WDR25: variants seen among roughly 807,000 people sequenced by gnomAD.
The protein encoded by WDR25 is WD repeat domain 25.
WDR25 carries 35 observed loss-of-function variants against 47.7 expected under a neutral mutation model. The ratio of observed to expected loss-of-function variants is 0.73; its 90% CI spans 0.56 to 0.97. The LOEUF (loss-of-function observed/expected upper bound fraction) is 0.97. Ranked by LOEUF, WDR25 falls within the 50% of genes least tolerant of loss-of-function variation. The pLI is 0.00. For missense variants in WDR25, 634 were observed against 704.7 expected, an observed-to-expected ratio of 0.90 and a Z score of 1.14; for synonymous variants, 248 against 278.9, an observed-to-expected ratio of 0.89 and a Z score of 1.10.
At chr14:100,470,163 G>T (rs946692455) in intron 3 of WDR25, among the ~76,000 whole-genome samples, 1 of 152,222 alleles carries the variant, frequency 6.6e-6, no homozygotes, top group Non-Finnish European at 1.5e-5. Context: ...GGTTGATGAG[G>T]AGGAAAGTAG....
At chr14:100,426,789 G>C (rs572959166) in intron 2 of WDR25, among the ~76,000 whole-genome samples, 35 of 152,258 alleles carry the variant, frequency 2.3e-4, no homozygotes, top group Middle Eastern at 3.4e-3. Flanking sequence ...ATTGTGCAAG[G>C]CAACCGGGCA....
intron 2 of WDR25, among the ~76,000 whole-genome samples, chr14:100,397,535 G>A (rs1233335505): frequency 2.6e-5 from 4 of 152,206 alleles, no homozygotes; most frequent in Non-Finnish European, 5.9e-5. Flanking sequence ...CTGGCTCATT[G>A]AAAGAAACAG....
rs189774940 is a variant in WDR25, at chr14:100,476,073, T to C, written c.970+7905T>C. Among the ~76,000 whole-genome samples, 5 of 152,372 alleles carry C rather than the reference T, an allele frequency of 3.3e-5. No homozygotes were observed. The East Asian group carries it at 7.7e-4, about 23-fold the overall frequency. On this transcript the variant is annotated intron_variant, in intron 3 of 6. Coordinates refer to ENST00000402312, the MANE Select transcript of WDR25 (RefSeq NM_001161476.3). ...TACAGCTACTGTTTATTGGGCCCTA[T>C]CAGTTGTCTGGGGCTTAGCTCTCCT...
At position 100,525,154 on chromosome 14, in the gene WDR25, G is replaced by T. The variant is rs981760126; in HGVS notation, c.1102-716G>T. 1.3e-5 allele frequency among the ~76,000 whole-genome samples: 2 copies of T among 152,186 alleles called. No homozygotes were observed. Among genetic ancestry groups the T allele is most frequent in the African/African-American group, 4.8e-5 (2 of 41,452 alleles). ...TATTGTCATTAAAGTCCTGTCCTCTGTGAGTTTGTTAAGTGGAGCTACTTG... is the reference window on the plus strand; with the variant it reads ...TATTGTCATTAAAGTCCTGTCCTCTTTGAGTTTGTTAAGTGGAGCTACTTG... On this transcript the variant is annotated intron_variant, in intron 4 of 6. Transcript: ENST00000402312. This position sits in a 1 kb window ranked among gnomAD's most constrained non-coding sequence, Gnocchi z 4.6.
chr14:100,431,823 C>T (rs1285235175), intron 2 of WDR25, among the ~76,000 whole-genome samples: 1 of 152,004 alleles, frequency 6.6e-6, no homozygotes, highest in African/African-American at 2.4e-5. Context: ...GATTCTCTTG[C>T]CTCAGCCTCC....
At chr14:100,444,526 T>C (rs758589875) in intron 2 of WDR25, among the ~76,000 whole-genome samples, 2 of 148,912 alleles carry the variant, frequency 1.3e-5, no homozygotes, top group Non-Finnish European at 3.0e-5. Context: ...CACGTCTGGG[T>C]CCAGGTGACT....
chr14:100,410,101 G>A (rs980102689), intron 2 of WDR25, among the ~76,000 whole-genome samples: 2 of 152,214 alleles, frequency 1.3e-5, no homozygotes, highest in African/African-American at 4.8e-5. Context: ...AACCCCATCT[G>A]AGTTTCCAGA....
Position 100,468,117 on chromosome 14 carries a change from A to G in WDR25, c.919A>G (p.Ile307Val), listed in dbSNP as rs1899703678. 1 of 1,613,624 alleles carries G rather than the reference A, an allele frequency of 6.2e-7. No homozygotes were observed. The highest frequency in any genetic ancestry group is 1.7e-5 in the Admixed American group (1 of 60,024). ...CCGGTGGGCTCCCTGTGGCCGGCGC[A>G]TCCTCAGTGGTGGCTTTGACTTCGC... Reference protein sequence around the residue: ...AARWAPCGRRILSGGFDFALH... With the variant: ...AARWAPCGRRVLSGGFDFALH... The change falls in exon 3 of 7, where the codon ATC (isoleucine) becomes GTC (valine). Residue 307 changes from isoleucine (I) to valine (V), a missense_variant. Transcript: ENST00000402312. This position sits in a 1 kb window ranked among gnomAD's most constrained non-coding sequence, Gnocchi z 4.5.
chr14:100,431,300 G>A (rs755573120), intron 2 of WDR25, among the ~76,000 whole-genome samples: 1 of 152,070 alleles, frequency 6.6e-6, no homozygotes, highest in Non-Finnish European at 1.5e-5. Flanking sequence ...TAACTGCTTG[G>A]CAAGGTACTT....
At position 100,502,547 on chromosome 14, in the gene WDR25, A is replaced by C. The variant is rs1900961695; in HGVS notation, c.1101+18423A>C. Among the ~76,000 whole-genome samples the C allele has an allele frequency of 6.6e-6, 1 of 152,066 alleles. No homozygotes were observed. Among genetic ancestry groups the C allele is most frequent in the Non-Finnish European group, 1.5e-5 (1 of 68,002 alleles). On this transcript the variant is annotated intron_variant, in intron 4 of 6. Coordinates refer to ENST00000402312, the MANE Select transcript of WDR25 (RefSeq NM_001161476.3). This position sits in a 1 kb window ranked among gnomAD's most constrained non-coding sequence, Gnocchi z 4.5. Reference sequence around the variant, plus strand: ...CTCCCCACCTGCCAGCTCCAGTTCCACCAGTGTCCTGGAGCTGCTCACTTT... The same window carrying C: ...CTCCCCACCTGCCAGCTCCAGTTCCCCCAGTGTCCTGGAGCTGCTCACTTT...
At chr14:100,469,722 G>A (rs1899765261) in intron 3 of WDR25, among the ~76,000 whole-genome samples, 1 of 152,188 alleles carries the variant, frequency 6.6e-6, no homozygotes, top group Non-Finnish European at 1.5e-5. Context: ...TGTGTGCTGG[G>A]CATTCTTCCA....
rs1367629961 is a variant in WDR25, at chr14:100,488,452, C to G, written c.1101+4328C>G. Among the ~76,000 whole-genome samples, 1 of 152,178 alleles carries G rather than the reference C, an allele frequency of 6.6e-6. No homozygotes were observed. Among genetic ancestry groups the G allele is most frequent in the Non-Finnish European group, 1.5e-5 (1 of 68,034 alleles). On this transcript the variant is annotated intron_variant, in intron 4 of 6. Transcript: ENST00000402312. This position sits in a 1 kb window ranked among gnomAD's most constrained non-coding sequence, Gnocchi z 4.2. ...GGAGACCTGGGCTCACGTCCTCCCTCTGCTACTTGCTTGGCTGGGTGATTT... is the reference window on the plus strand; with the variant it reads ...GGAGACCTGGGCTCACGTCCTCCCTGTGCTACTTGCTTGGCTGGGTGATTT...
At chr14:100,413,367 TTC>T (rs1897765999) in intron 2 of WDR25, among the ~76,000 whole-genome samples, 1 of 151,668 alleles carries the variant, frequency 6.6e-6, no homozygotes, top group East Asian at 1.9e-4. Flanking sequence ...ACAGATCTGC[TTC>T]TCTCATTGTA....
chr14:100,475,115 C>T (rs1218493541), intron 3 of WDR25, among the ~76,000 whole-genome samples: 1 of 152,164 alleles, frequency 6.6e-6, no homozygotes, highest in Non-Finnish European at 1.5e-5. Context: ...GTTGGAATGC[C>T]TATTTTCAAA....
intron 4 of WDR25, among the ~76,000 whole-genome samples, chr14:100,485,357 T>C (rs1233357384): frequency 6.6e-6 from 1 of 152,204 alleles, no homozygotes; most frequent in Non-Finnish European, 1.5e-5. Context: ...TTCCCTCCTC[T>C]AGAATGTAAG....
intron 2 of WDR25, among the ~76,000 whole-genome samples, chr14:100,405,502 G>T (rs769961464): frequency 6.6e-6 from 1 of 152,246 alleles, no homozygotes; most frequent in Non-Finnish European, 1.5e-5. Flanking sequence ...CTAGGATGGG[G>T]CTGGGGTGCA....
intron 4 of WDR25, among the ~76,000 whole-genome samples, chr14:100,493,059 C>A (rs1348169820): frequency 6.6e-6 from 1 of 152,182 alleles, no homozygotes; most frequent in Admixed American, 6.5e-5. Context: ...GATTCTCCTG[C>A]GTCAGCCCAA....
At chr14:100,399,536 C>T (rs1383301251) in intron 2 of WDR25, among the ~76,000 whole-genome samples, 1 of 152,176 alleles carries the variant, frequency 6.6e-6, no homozygotes, top group Non-Finnish European at 1.5e-5. Flanking sequence ...TCCCCCTGTG[C>T]CCCTCTCGCT....
At position 100,488,092 on chromosome 14, in the gene WDR25, G is replaced by A. The variant is rs963985196; in HGVS notation, c.1101+3968G>A. Among the ~76,000 whole-genome samples the A allele has an allele frequency of 1.3e-5, 2 of 152,096 alleles. No homozygotes were observed. Among genetic ancestry groups the A allele is most frequent in the African/African-American group, 2.4e-5 (1 of 41,414 alleles). ...CTAGCCCAATTCATTACAGCAAATGGGCTGTTTGGCTCCCTGTCTCCTCTT... is the reference window on the plus strand; with the variant it reads ...CTAGCCCAATTCATTACAGCAAATGAGCTGTTTGGCTCCCTGTCTCCTCTT... On this transcript the variant is annotated intron_variant, in intron 4 of 6. Coordinates refer to ENST00000402312, the MANE Select transcript of WDR25 (RefSeq NM_001161476.3). This position sits in a 1 kb window ranked among gnomAD's most constrained non-coding sequence, Gnocchi z 4.2.
Sources: allele counts gnomAD v4.1 joint callset (sites outside exome capture counted in the v4.1 genomes callset), GRCh38; gene constraint gnomAD v4.1.1; non-coding constraint Gnocchi (gnomAD v3.1); transcripts MANE v1.5; gene names NCBI Gene and HGNC (gene_info 2026-07-23, HGNC 2026-07-21).